RECK: variants seen among roughly 807,000 people sequenced by gnomAD.
The protein encoded by RECK is reversion inducing cysteine rich protein with kazal motifs.
Under a neutral mutation model 115.1 loss-of-function variants are expected in RECK, and 69 were observed. That is an observed-to-expected ratio of 0.60 (90% CI 0.49 to 0.73). RECK has a LOEUF of 0.73. Among genes scored for constraint, RECK ranks in the 30% least tolerant of loss-of-function variants. RECK has a pLI of 0.00. For synonymous variants in RECK, 414 were observed against 419.7 expected, an observed-to-expected ratio of 0.99 and a Z score of 0.17; for missense variants, 1,047 against 1,203.7, an observed-to-expected ratio of 0.87 and a Z score of 1.93.
intron 1 of RECK, among the ~76,000 whole-genome samples, chr9:36,038,319 CA>C (rs1588255137): frequency 6.6e-6 from 1 of 152,112 alleles, no homozygotes; most frequent in African/African-American, 2.4e-5. Context: ...TCAGTTCCAA[CA>C]GGGGTATTAA....
intron 1 of RECK, among the ~76,000 whole-genome samples, chr9:36,049,486 A>G (rs1821201490): frequency 6.6e-6 from 1 of 152,002 alleles, no homozygotes; most frequent in Admixed American, 6.5e-5. Context: ...TGTAAAATAC[A>G]CTAACACTAA....
intron 4 of RECK, among the ~76,000 whole-genome samples, chr9:36,062,664 G>T (rs544714835): frequency 1.3e-5 from 2 of 151,748 alleles, no homozygotes; most frequent in South Asian, 4.2e-4. Flanking sequence ...TTTTAGTAGA[G>T]ATGGGGGTTC....
rs1031559525 is a variant in RECK, at chr9:36,120,127, C to G, written c.2465-536C>G. ...GCGGGCACCTGTAGTCCCAGCTACT[C>G]TGGAGGCTGAGGCAGGAGAATGGCA... is the stretch of plus-strand genomic sequence containing the variant. On this transcript the variant is annotated intron_variant, in intron 18 of 20. Coordinates refer to ENST00000377966, the MANE Select transcript of RECK (RefSeq NM_021111.3). 1.3e-4 allele frequency among the ~76,000 whole-genome samples: 19 copies of G among 151,848 alleles called. No individual in the cohort carries two copies. The East Asian group carries it at 3.5e-3, about 28-fold the overall frequency.
At chr9:36,055,951 A>T (rs1447427207) in intron 2 of RECK, among the ~76,000 whole-genome samples, 3 of 151,498 alleles carry the variant, frequency 2.0e-5, no homozygotes, top group African/African-American at 7.3e-5. Flanking sequence ...TCTCTTTTCC[A>T]TTCTTTCTTA....
intron 18 of RECK, among the ~76,000 whole-genome samples, chr9:36,120,000 C>T (rs1022338180): frequency 2.0e-5 from 3 of 151,988 alleles, no homozygotes; most frequent in African/African-American, 7.3e-5. Context: ...TTTGGGAGGC[C>T]GAGGCAGGCG....
At chr9:36,119,473 C>T (rs1161318298) in intron 18 of RECK, among the ~76,000 whole-genome samples, 1 of 152,074 alleles carries the variant, frequency 6.6e-6, no homozygotes, top group Non-Finnish European at 1.5e-5. Flanking sequence ...CTGTTTTTAG[C>T]AATAACAGTT....
At chr9:36,067,167 C>A (rs2132594926) in intron 6 of RECK, among the ~76,000 whole-genome samples, 1 of 152,252 alleles carries the variant, frequency 6.6e-6, no homozygotes, top group Non-Finnish European at 1.5e-5. Context: ...GAAGTCTAGT[C>A]TAGACATAAA....
At chr9:36,106,933 T>C (rs1823842236) in intron 13 of RECK, among the ~76,000 whole-genome samples, 1 of 151,372 alleles carries the variant, frequency 6.6e-6, no homozygotes, top group Non-Finnish European at 1.5e-5. Context: ...TGAAACTCCA[T>C]CTCTACTAAT....
intron 10 of RECK, among the ~76,000 whole-genome samples, chr9:36,097,400 A>T (rs1823396716): frequency 6.6e-6 from 1 of 152,214 alleles, no homozygotes; most frequent in African/African-American, 2.4e-5. Flanking sequence ...GGACATCACA[A>T]TGGCCATTTA....
At chr9:36,095,944 C>T (rs111894370) in intron 10 of RECK, among the ~76,000 whole-genome samples, 3,709 of 149,380 alleles carry the variant, frequency 0.025, 168 homozygotes, top group African/African-American at 0.087. Context: ...GGCATGGTGG[C>T]GGGCACCTGT....
At chr9:36,093,124 C>G (rs1175660674) in intron 10 of RECK, among the ~76,000 whole-genome samples, 1 of 152,078 alleles carries the variant, frequency 6.6e-6, no homozygotes, top group Non-Finnish European at 1.5e-5. Flanking sequence ...ATACGACATC[C>G]AAGAGCTAAG....
chr9:36,059,720 C>G (rs992280400), intron 3 of RECK, among the ~76,000 whole-genome samples: 1 of 152,098 alleles, frequency 6.6e-6, no homozygotes, highest in Non-Finnish European at 1.5e-5. Context: ...TGCTCATGTG[C>G]CAGACCAAGA....
At chr9:36,052,676 G>A (rs771864063) in intron 2 of RECK, among the ~76,000 whole-genome samples, 2 of 151,990 alleles carry the variant, frequency 1.3e-5, no homozygotes, top group Non-Finnish European at 2.9e-5. Context: ...AGAAGTAGTC[G>A]GGCAAACCCA....
In RECK at chr9:36,062,097, A is replaced by G. The variant is rs971153667; in HGVS notation, c.272-1698A>G. Among the ~76,000 whole-genome samples, 11 of 151,618 alleles carry G rather than the reference A, an allele frequency of 7.3e-5. No individual in the cohort carries two copies. In the East Asian group the frequency reaches 1.9e-3, roughly 27 times the overall value. On this transcript the variant is annotated intron_variant, in intron 4 of 20. Transcript: ENST00000377966. The stretch of plus-strand genomic sequence containing the variant: ...GCAATTTTAAAGGAGATAAGGAGGA[A>G]TTTGCAGCATTCCTGCAAGCATAAG...
chr9:36,086,555 A>G (rs1822969490), intron 8 of RECK, among the ~76,000 whole-genome samples: 1 of 152,244 alleles, frequency 6.6e-6, no homozygotes, highest in Non-Finnish European at 1.5e-5. Flanking sequence ...CTTCCACAGC[A>G]TGGAAAGGGA....
chr9:36,063,614 GAC>G (rs1821870253), intron 4 of RECK, among the ~76,000 whole-genome samples, 179 bp from the exon 5 acceptor site: 1 of 152,202 alleles, frequency 6.6e-6, no homozygotes, highest in Non-Finnish European at 1.5e-5. Context: ...CTTTGAAAGA[GAC>G]TGATAGCAGT....
At chr9:36,071,374 T>C (rs1822223700) in intron 6 of RECK, among the ~76,000 whole-genome samples, 1 of 152,220 alleles carries the variant, frequency 6.6e-6, no homozygotes, top group African/African-American at 2.4e-5. Context: ...AGTGATGAGA[T>C]AAATTTTAGT....
chr9:36,120,665 G>C lies in RECK; in HGVS notation c.2467G>C (p.Ala823Pro). The C allele has an allele frequency of 6.2e-7, 1 of 1,611,742 alleles. No homozygotes were observed. The highest frequency in any genetic ancestry group is 8.5e-7 in the Non-Finnish European group (1 of 1,177,936). The change falls in exon 19 of 21, where the codon GCT becomes CCT. Residue 823 changes from alanine to proline, a missense_variant and splice_region_variant. By Grantham distance (27) the Ala-to-Pro change is conservative (BLOSUM62 -1). Coordinates refer to ENST00000377966, the MANE Select transcript of RECK (RefSeq NM_021111.3). The part of the protein sequence containing the change: ...AGCKPIIPPG[A>P]CCPLCAGMLR... ...ATAAAATGGTTTCTGTTATACAGGT[G>C]CTTGTTGCCCATTATGTGCTGGGAT... is the stretch of plus-strand genomic sequence containing the variant.
At chr9:36,122,191 C>T (rs572416327) in intron 20 of RECK, among the ~76,000 whole-genome samples, 13 of 152,278 alleles carry the variant, frequency 8.5e-5, no homozygotes, top group South Asian at 2.1e-4. Context: ...ACCCCACTCA[C>T]GTAGACCCAA....
Sources: allele counts gnomAD v4.1 joint callset (sites outside exome capture counted in the v4.1 genomes callset), GRCh38; gene constraint gnomAD v4.1.1; transcripts MANE v1.5; gene names NCBI Gene and HGNC (gene_info 2026-07-23, HGNC 2026-07-21).